Variants in SNX29 observed in about 807,000 individuals in gnomAD.
The protein encoded by SNX29 is sorting nexin 29, also known as sorting nexin-29.
SNX29 carries 78 observed loss-of-function variants against 102.1 expected under a neutral mutation model. The observed-to-expected ratio is 0.76, with a 90% CI of 0.64 to 0.92. SNX29 has a LOEUF of 0.92. Ranked by LOEUF, SNX29 falls within the 40% of genes least tolerant of loss-of-function variation. The pLI, the probability that SNX29 is intolerant of heterozygous loss-of-function variation, is 0.00. For synonymous variants in SNX29, 580 were observed against 414.5 expected (o/e 1.40, Z -4.85); for missense variants, 1,280 against 1,061.7 (o/e 1.21, Z -2.86).
intron 11 of SNX29, among the ~76,000 whole-genome samples, chr16:12,099,834 G>T (rs574963137): frequency 1.3e-5 from 2 of 152,202 alleles, no homozygotes; most frequent in African/African-American, 4.8e-5. Flanking sequence ...ATGACTGCCT[G>T]GCTCTGAGAT....
intron 16 of SNX29, among the ~76,000 whole-genome samples, chr16:12,380,331 T>G: frequency 7.0e-5 from 2 of 28,414 alleles, no homozygotes; most frequent in African/African-American, 2.8e-4. Flanking sequence ...CACCCACCCA[T>G]ACCCCCCACC....
intron 6 of SNX29, among the ~76,000 whole-genome samples, chr16:12,047,265 C>G (rs2050127113): frequency 6.6e-6 from 1 of 152,162 alleles, no homozygotes; most frequent in African/African-American, 2.4e-5. Context: ...GTTGTTCGCC[C>G]TTTGACTCAA....
chr16:12,172,678 TCATTAA>T (rs1596419082), intron 13 of SNX29, among the ~76,000 whole-genome samples: 1 of 152,222 alleles, frequency 6.6e-6, no homozygotes, highest in East Asian at 1.9e-4. Context: ...ATTGTCATTG[TCATTAA>T]CATGATATTA....
intron 13 of SNX29, among the ~76,000 whole-genome samples, chr16:12,194,343 G>A (rs2076717587): frequency 6.6e-6 from 1 of 152,148 alleles, no homozygotes; most frequent in Non-Finnish European, 1.5e-5. Context: ...TGTGTTCTGT[G>A]ACCTTGAAAA....
intron 18 of SNX29, 101 bp downstream of exon 18, chr16:12,403,630 T>G: frequency 8.8e-7 from 1 of 1,133,664 alleles, no homozygotes; most frequent in Non-Finnish European, 1.3e-6. Context: ...GCGCTATGAT[T>G]AGGAGGCTAT....
intron 18 of SNX29, among the ~76,000 whole-genome samples, chr16:12,447,934 CCT>C (rs2086136793): frequency 1.3e-5 from 2 of 152,052 alleles, no homozygotes; most frequent in African/African-American, 4.8e-5. Flanking sequence ...GGGATAAAAA[CCT>C]CCCCCAAATC....
chr16:12,363,124 G>A (rs982987110), intron 16 of SNX29, among the ~76,000 whole-genome samples: 19 of 152,310 alleles, frequency 1.2e-4, no homozygotes, highest in Admixed American at 9.1e-4. Context: ...CAAGTAAAAC[G>A]GTCACTAAGG....
intron 11 of SNX29, among the ~76,000 whole-genome samples, chr16:12,092,527 G>C (rs1330121898): frequency 6.6e-6 from 1 of 152,190 alleles, no homozygotes; most frequent in Non-Finnish European, 1.5e-5. Context: ...GATGCAGCTG[G>C]TTGTAGTGGA....
chr16:12,437,125 T>G (rs2085573728), intron 18 of SNX29, among the ~76,000 whole-genome samples: 1 of 152,258 alleles, frequency 6.6e-6, no homozygotes, highest in South Asian at 2.1e-4. Context: ...GCATAAAGAA[T>G]CATGGGGGTT....
intron 4 of SNX29, among the ~76,000 whole-genome samples, chr16:12,036,300 G>T (rs1368060220): frequency 6.6e-6 from 1 of 150,750 alleles, no homozygotes; most frequent in African/African-American, 2.4e-5. Flanking sequence ...TGTTGCCCAG[G>T]CTGGTCTTGG....
At chr16:12,471,087 C>T (rs956286006) in intron 18 of SNX29, among the ~76,000 whole-genome samples, 18 of 152,152 alleles carry the variant, frequency 1.2e-4, no homozygotes, top group Admixed American at 5.9e-4. Context: ...CAGGAGCACC[C>T]GAGATCTGAC....
intron 11 of SNX29, among the ~76,000 whole-genome samples, chr16:12,107,295 T>G (rs1596908451): frequency 6.7e-6 from 1 of 150,288 alleles, no homozygotes; most frequent in African/African-American, 2.4e-5. Flanking sequence ...CTGCTCCAGG[T>G]GGAAGACAGC....
At chr16:12,551,104 T>C (rs2077948079) in intron 20 of SNX29, among the ~76,000 whole-genome samples, 1 of 152,014 alleles carries the variant, frequency 6.6e-6, no homozygotes, top group African/African-American at 2.4e-5. Context: ...TTGGATGAAA[T>C]CTGGTGTGAA....
At position 11,997,924 on chromosome 16, in the gene SNX29, C is replaced by T. The variant is rs543001889; in HGVS notation, c.8-1373C>T. On this transcript the variant is annotated intron_variant, in intron 1 of 20. Coordinates refer to ENST00000566228, the MANE Select transcript of SNX29 (RefSeq NM_032167.5). ...AACACACACAATCACTTGACTTCCCCGAGCTTCAGCTTTCCCATCTGTGTT... is the reference window on the plus strand; with the variant it reads ...AACACACACAATCACTTGACTTCCCTGAGCTTCAGCTTTCCCATCTGTGTT... Among the ~76,000 whole-genome samples the T allele has an allele frequency of 5.9e-5, 9 of 152,290 alleles. 1 individual carries two copies. The South Asian group carries it at 1.9e-3, about 32-fold the overall frequency.
intron 16 of SNX29, among the ~76,000 whole-genome samples, chr16:12,361,758 G>A (rs954513178): frequency 6.6e-6 from 1 of 151,820 alleles, no homozygotes; most frequent in African/African-American, 2.4e-5. Flanking sequence ...TTAACAGTTG[G>A]GAAGTATCAA....
intron 18 of SNX29, among the ~76,000 whole-genome samples, chr16:12,446,965 G>A (rs575404718): frequency 6.6e-5 from 10 of 151,844 alleles, no homozygotes; most frequent in African/African-American, 2.4e-4. Context: ...AGGGGTTCAA[G>A]ACCAGCCTGA....
intron 13 of SNX29, among the ~76,000 whole-genome samples, chr16:12,185,551 TC>T (rs1294187062): frequency 1.3e-5 from 2 of 152,154 alleles, no homozygotes; most frequent in African/African-American, 4.8e-5. Context: ...GTGGTGATGG[TC>T]CCCCTCCTTC....
intron 11 of SNX29, among the ~76,000 whole-genome samples, chr16:12,119,721 G>C (rs1320534204): frequency 6.7e-6 from 1 of 148,636 alleles, no homozygotes; most frequent in Non-Finnish European, 1.5e-5. Flanking sequence ...GCCCGCTTGG[G>C]GGGACAGGCC....
chr16:12,101,092 G>T (rs2052990431), intron 11 of SNX29, among the ~76,000 whole-genome samples: 1 of 152,074 alleles, frequency 6.6e-6, no homozygotes, highest in African/African-American at 2.4e-5. Context: ...TTCATTGGAG[G>T]GACACTCTTC....
Sources: allele counts gnomAD v4.1 joint callset (sites outside exome capture counted in the v4.1 genomes callset), GRCh38; gene constraint gnomAD v4.1.1; transcripts MANE v1.5; gene names NCBI Gene and HGNC (gene_info 2026-07-23, HGNC 2026-07-21).